The following PVT1 variants were observed in gnomAD, a reference collection of about 807,000 sequenced individuals.
PVT1 encodes CXCR4/PVT1 fusion.
At chr8:127,938,008 A>G (rs1396092007) in intron 3 of PVT1, among the ~76,000 whole-genome samples, 2 of 152,178 alleles carry the variant, frequency 1.3e-5, no homozygotes, top group Non-Finnish European at 1.5e-5. Flanking sequence ...TCCTGGTCTG[A>G]TTCTTCCAAG....
intron 2 of PVT1, among the ~76,000 whole-genome samples, chr8:127,814,716 A>C (rs200994743): frequency 6.6e-6 from 1 of 152,182 alleles, no homozygotes; most frequent in East Asian, 1.9e-4. Flanking sequence ...CTAACTGTAC[A>C]ATTCAGTGGC....
rs115703279 is a variant in PVT1, at chr8:128,037,770, G to A, written n.913-32390G>A. On this transcript the variant is annotated intron_variant and non_coding_transcript_variant, in intron 4 of 10. Coordinates refer to ENST00000651587, the Ensembl canonical transcript of PVT1. The stretch of plus-strand genomic sequence containing the variant: ...CCAGGTAAACACAAATGCTGCTCGC[G>A]TTGGTGGCTTAGAGCCCAGCAGCAC... 3.3e-5 allele frequency among the ~76,000 whole-genome samples: 5 copies of A among 152,276 alleles called. No homozygotes were observed. In the South Asian group the frequency reaches 1.0e-3, roughly 32 times the overall value.
At chr8:128,099,392 C>T (rs1814471607) in intron 6 of PVT1, 1 of 152,186 alleles carries the variant, frequency 6.6e-6, no homozygotes, top group Non-Finnish European at 1.5e-5. Flanking sequence ...GCAGAACACC[C>T]CAGAGGAGCC....
At chr8:128,025,056 G>A (rs1388079925) in intron 4 of PVT1, among the ~76,000 whole-genome samples, 2 of 152,224 alleles carry the variant, frequency 1.3e-5, no homozygotes, top group Non-Finnish European at 1.5e-5. Context: ...AGCCCCTCAT[G>A]CTGGCTGCCC....
intron 4 of PVT1, among the ~76,000 whole-genome samples, chr8:128,065,802 G>A (rs1813902706): frequency 6.6e-6 from 1 of 152,202 alleles, no homozygotes; most frequent in Non-Finnish European, 1.5e-5. Context: ...TTCCGACAAT[G>A]TGCTGGACAT....
chr8:128,003,647 T>A (rs553326417), intron 4 of PVT1, among the ~76,000 whole-genome samples: 16 of 152,370 alleles, frequency 1.1e-4, no homozygotes, highest in South Asian at 6.2e-4. Flanking sequence ...GATTTCTTTT[T>A]TATAAAATGT....
At chr8:127,868,792 T>TATATGTATATACATATATATAC in intron 2 of PVT1, among the ~76,000 whole-genome samples, 1 of 37,254 alleles carries the variant, frequency 2.7e-5, no homozygotes, top group South Asian at 8.6e-4. Context: ...TATATATATA[T>TATATGTATATACATATATATAC]ACATATATAT....
At chr8:127,930,678 G>C (rs1816195368) in intron 3 of PVT1, among the ~76,000 whole-genome samples, 1 of 152,092 alleles carries the variant, frequency 6.6e-6, no homozygotes, top group Non-Finnish European at 1.5e-5. Context: ...AGTTCCTGGG[G>C]CGTCAAAGGT....
chr8:128,087,547 T>C (rs1179885575), intron 5 of PVT1, among the ~76,000 whole-genome samples: 1 of 152,114 alleles, frequency 6.6e-6, no homozygotes, highest in Admixed American at 6.6e-5. Flanking sequence ...AAAACATGGA[T>C]CACTCCCATT....
intron 2 of PVT1, among the ~76,000 whole-genome samples, chr8:127,820,740 CG>C (rs1163446013): frequency 1.3e-5 from 2 of 151,472 alleles, no homozygotes; most frequent in Non-Finnish European, 2.9e-5. Flanking sequence ...GATAGAGTCT[CG>C]CTTTGTCGCC....
intron 3 of PVT1, among the ~76,000 whole-genome samples, chr8:127,976,894 C>T (rs10086557): frequency 0.16 from 23,593 of 152,052 alleles, 2,356 homozygotes; most frequent in African/African-American, 0.27. Flanking sequence ...TGACACACAG[C>T]ATCCCAGCCT....
chr8:127,923,513 G>C (rs7841033), intron 3 of PVT1, among the ~76,000 whole-genome samples: 118,198 of 152,102 alleles, frequency 0.78, 47,299 homozygotes, highest in Middle Eastern at 0.94. Context: ...GTGTGCTGCT[G>C]TCACTGCCTT....
intron 2 of PVT1, among the ~76,000 whole-genome samples, chr8:127,877,020 A>G (rs1354921481): frequency 2.0e-5 from 3 of 152,172 alleles, no homozygotes; most frequent in African/African-American, 7.2e-5. Context: ...TTTAAAGAGG[A>G]GTTGGAACAA....
At chr8:127,870,554 C>T (rs557672411) in intron 2 of PVT1, among the ~76,000 whole-genome samples, 8 of 152,274 alleles carry the variant, frequency 5.3e-5, no homozygotes, top group African/African-American at 1.9e-4. Flanking sequence ...GGAGAATGAG[C>T]GGCACTCCCT....
intron 6 of PVT1, among the ~76,000 whole-genome samples, chr8:128,097,776 T>A (rs970900123): frequency 6.6e-6 from 1 of 152,052 alleles, no homozygotes; most frequent in South Asian, 2.1e-4. Context: ...AGCTTCAGAG[T>A]CCATACTTCC....
At chr8:127,994,419 T>A (rs1161403454) in intron 4 of PVT1, among the ~76,000 whole-genome samples, 1 of 152,174 alleles carries the variant, frequency 6.6e-6, no homozygotes. Flanking sequence ...TCCACTTTCC[T>A]GTTATGAGTC....
chr8:127,801,048 G>A (rs928241551), intron 2 of PVT1, among the ~76,000 whole-genome samples: 1 of 152,188 alleles, frequency 6.6e-6, no homozygotes, highest in East Asian at 1.9e-4. Flanking sequence ...AGCTAGGACA[G>A]AGGTGGAGGC....
chr8:127,964,319 G>C (rs1354502385), intron 3 of PVT1, among the ~76,000 whole-genome samples: 1 of 152,226 alleles, frequency 6.6e-6, no homozygotes, highest in Non-Finnish European at 1.5e-5. Context: ...TCCTGGTTAT[G>C]CCTGTCTTGT....
intron 3 of PVT1, among the ~76,000 whole-genome samples, chr8:127,926,608 C>T (rs973446667): frequency 1.1e-4 from 16 of 152,300 alleles, no homozygotes; most frequent in Non-Finnish European, 2.2e-4. Flanking sequence ...GGTCCCCAGC[C>T]GAGACCACCT....
Sources: allele counts gnomAD v4.1 joint callset (sites outside exome capture counted in the v4.1 genomes callset), GRCh38; gene constraint gnomAD v4.1.1; transcripts MANE v1.5; gene names NCBI Gene and HGNC (gene_info 2026-07-23, HGNC 2026-07-21).